The following PTPRG variants were observed in gnomAD, a reference collection of about 807,000 sequenced individuals.
PTPRG encodes the protein receptor-type tyrosine-protein phosphatase gamma.
In PTPRG, 102 loss-of-function variants were observed where a neutral mutation model predicts 165.3. The ratio of observed to expected loss-of-function variants is 0.62; its 90% CI spans 0.53 to 0.73. PTPRG has a LOEUF of 0.73. Among genes scored for constraint, PTPRG ranks in the 30% least tolerant of loss-of-function variants. PTPRG has a pLI of 0.00. For synonymous variants in PTPRG, 675 were observed against 669.5 expected (o/e 1.01, Z -0.13); for missense variants, 1,866 against 1,861.4 (o/e 1.00, Z -0.05).
intron 10 of PTPRG, among the ~76,000 whole-genome samples, chr3:62,200,306 G>A (rs1046561211): frequency 2.0e-5 from 3 of 151,772 alleles, no homozygotes; most frequent in Non-Finnish European, 4.4e-5. Context: ...AAGTCTTGCT[G>A]TGTCATCAGG....
In PTPRG at chr3:61,901,921, C is replaced by G. The variant is rs551704906; in HGVS notation, c.191-87704C>G. Reference sequence around the variant, plus strand: ...AAAGGATGTTTTAAAATGATATTACCTGATAATTATGCTTGCCTATTTTTA... The same window carrying G: ...AAAGGATGTTTTAAAATGATATTACGTGATAATTATGCTTGCCTATTTTTA... On this transcript the variant is annotated intron_variant, in intron 2 of 29. Transcript: ENST00000474889. Among the ~76,000 whole-genome samples, 63 of 152,238 alleles carry G rather than the reference C, an allele frequency of 4.1e-4. 1 individual carries two copies. The highest frequency in any genetic ancestry group is 6.8e-3 in the Middle Eastern group (2 of 294).
intron 18 of PTPRG, 23 bp from the exon 19 acceptor site, chr3:62,267,662 C>T (rs752044220): frequency 1.2e-6 from 2 of 1,605,930 alleles, no homozygotes; most frequent in African/African-American, 2.7e-5. Context: ...TTTCATCTCA[C>T]TTTGTGCTGT....
At chr3:61,996,496 A>G (rs550689964) in intron 3 of PTPRG, among the ~76,000 whole-genome samples, 111 of 152,292 alleles carry the variant, frequency 7.3e-4, no homozygotes, top group African/African-American at 2.6e-3. Context: ...GAGACTGCCA[A>G]GCTTCTGATT....
At chr3:62,003,297 T>G in intron 3 of PTPRG, 52 bp from the exon 4 acceptor site, 1 of 1,566,572 alleles carries the variant, frequency 6.4e-7, no homozygotes, top group Non-Finnish European at 8.7e-7. Context: ...AAAAACTCCA[T>G]TTGGTTTTGA....
chr3:61,824,345 A>C (rs920535877), intron 2 of PTPRG, among the ~76,000 whole-genome samples: 2 of 152,224 alleles, frequency 1.3e-5, no homozygotes, highest in East Asian at 1.9e-4. Context: ...TAGGTGTTTC[A>C]TAAGAATGTA....
rs1230792677 is a variant in PTPRG at position 62,271,247 on chromosome 3, G to A, written c.3010-136G>A. ...TTAATGGCATGAAAGTTGGCTACAA[G>A]GGGGAATAACCTAGCCTGGGAACAG... is the stretch of plus-strand genomic sequence containing the variant. On this transcript the variant is annotated intron_variant, in intron 20 of 29. Transcript: ENST00000474889. This position sits in a 1 kb window ranked among gnomAD's most constrained non-coding sequence, Gnocchi z 4.1. The A allele has an allele frequency of 1.0e-5, 7 of 683,826 alleles. No individual in the cohort carries two copies. The highest frequency in any genetic ancestry group is 1.6e-5 in the Non-Finnish European group (7 of 427,920). 42.4% of individuals were successfully genotyped at this position (683,826 alleles called of 1,614,324 possible).
At chr3:62,265,514 G>C (rs993366925) in intron 17 of PTPRG, among the ~76,000 whole-genome samples, 1 of 151,792 alleles carries the variant, frequency 6.6e-6, no homozygotes, top group East Asian at 1.9e-4. Context: ...TTGATTCCTT[G>C]AATTTCTGTA....
chr3:62,268,278 A>G (rs1701948463), intron 19 of PTPRG, among the ~76,000 whole-genome samples: 1 of 152,114 alleles, frequency 6.6e-6, no homozygotes, highest in Non-Finnish European at 1.5e-5. Context: ...AAACAGTTTA[A>G]CCATCATTAA....
At chr3:61,977,577 T>G (rs1417663913) in intron 2 of PTPRG, among the ~76,000 whole-genome samples, 1 of 136,272 alleles carries the variant, frequency 7.3e-6, no homozygotes, top group Non-Finnish European at 1.6e-5. Flanking sequence ...ATTTCTGTAA[T>G]AATAGTTCTG....
At chr3:61,816,641 C>A (rs1293001062) in intron 2 of PTPRG, among the ~76,000 whole-genome samples, 1 of 152,142 alleles carries the variant, frequency 6.6e-6, no homozygotes, top group Admixed American at 6.5e-5. Context: ...TCTTCTCCCA[C>A]AGAAAAATCC....
intron 1 of PTPRG, among the ~76,000 whole-genome samples, chr3:61,676,058 A>T (rs916393628): frequency 6.6e-6 from 1 of 152,160 alleles, no homozygotes; most frequent in African/African-American, 2.4e-5. Context: ...ATTTTTATTT[A>T]TTTTTCACTA....
At chr3:61,602,490 A>G (rs2106850484) in intron 1 of PTPRG, among the ~76,000 whole-genome samples, 1 of 152,304 alleles carries the variant, frequency 6.6e-6, no homozygotes, top group Non-Finnish European at 1.5e-5. Flanking sequence ...TTCATCAAGG[A>G]GAGAGGAAAT....
chr3:61,994,168 C>G (rs1054991732), intron 3 of PTPRG, among the ~76,000 whole-genome samples: 3 of 152,176 alleles, frequency 2.0e-5, no homozygotes, highest in Non-Finnish European at 4.4e-5. Flanking sequence ...ATGCATTCAT[C>G]AAGAACATTT....
intron 6 of PTPRG, among the ~76,000 whole-genome samples, chr3:62,136,805 C>T (rs1703725384): frequency 6.6e-6 from 1 of 152,190 alleles, no homozygotes; most frequent in Non-Finnish European, 1.5e-5. Flanking sequence ...ATGAGGCCTC[C>T]CCAGTCACGT....
intron 2 of PTPRG, among the ~76,000 whole-genome samples, chr3:61,896,098 A>G (rs550581780): frequency 2.0e-5 from 3 of 152,256 alleles, no homozygotes; most frequent in East Asian, 1.9e-4. Flanking sequence ...TATAAATTCT[A>G]TATAATTTTG....
intron 20 of PTPRG, among the ~76,000 whole-genome samples, chr3:62,270,272 C>T (rs1291402419): frequency 1.3e-5 from 2 of 151,902 alleles, no homozygotes; most frequent in Non-Finnish European, 2.9e-5. Flanking sequence ...TTCACACTTA[C>T]TCACATTTTT....
chr3:62,251,346 T>C (rs1431380979), intron 15 of PTPRG, among the ~76,000 whole-genome samples: 2 of 148,508 alleles, frequency 1.3e-5, no homozygotes, highest in Non-Finnish European at 3.0e-5. Flanking sequence ...ATAGCAAGAC[T>C]CCATCTCTAC....
At chr3:61,757,201 A>G (rs903379992) in intron 2 of PTPRG, among the ~76,000 whole-genome samples, 1 of 152,226 alleles carries the variant, frequency 6.6e-6, no homozygotes. Flanking sequence ...TCCAGAGACT[A>G]CACCCAAAAG....
At chr3:62,096,908 C>T (rs1049444708) in intron 5 of PTPRG, among the ~76,000 whole-genome samples, 2 of 152,126 alleles carry the variant, frequency 1.3e-5, no homozygotes, top group Admixed American at 6.5e-5. Context: ...TTCCAAAGAC[C>T]TCCCATTTAG....
Sources: gnomAD v4.1 joint callset for allele counts (sites outside exome capture counted in the v4.1 genomes callset) on GRCh38, gnomAD v4.1.1 for gene constraint, Gnocchi (gnomAD v3.1) non-coding constraint, MANE v1.5 for transcripts, NCBI Gene and HGNC (gene_info 2026-07-23, HGNC 2026-07-21) for gene names.